Variants in CYTH1 observed in about 807,000 individuals in gnomAD.
The protein encoded by CYTH1 is cytohesin-1.
CYTH1 carries 18 observed loss-of-function variants against 61.8 expected under a neutral mutation model. The observed-to-expected ratio is 0.29, with a 90% CI of 0.20 to 0.43. CYTH1 has a LOEUF of 0.43. Ranked by LOEUF, CYTH1 falls within the 20% of genes least tolerant of loss-of-function variation. The pLI is 1.00. For synonymous variants in CYTH1, 174 were observed against 184.3 expected (o/e 0.94, Z 0.45); for missense variants, 336 against 510.5 (o/e 0.66, Z 3.29).
In CYTH1 at chr17:78,700,833, T is replaced by G. The variant is rs1432459578; in HGVS notation, c.438-390A>C. 6.6e-6 allele frequency among the ~76,000 whole-genome samples: 1 copy of G among 152,146 alleles called. No individual in the cohort carries two copies. The highest frequency in any genetic ancestry group is 2.4e-5 in the African/African-American group (1 of 41,456). ...AGCCACGGTGCCTGACCACTGCCAA[T>G]GATTTTTTAACATCAAAGTGCAAAG... On this transcript the variant is annotated intron_variant, in intron 6 of 13. Coordinates refer to ENST00000446868, the MANE Select transcript of CYTH1 (RefSeq NM_004762.6). The surrounding 1 kb of genome is among the most constrained non-coding windows in gnomAD (Gnocchi z 5.1).
At chr17:78,703,793 C>T (rs1428454137) in intron 3 of CYTH1, among the ~76,000 whole-genome samples, 1 of 152,178 alleles carries the variant, frequency 6.6e-6, no homozygotes, top group East Asian at 1.9e-4. Context: ...GGTCATCTTC[C>T]ATGGTATGGA....
chr17:78,756,077 TTA>T (rs1567876923), intron 1 of CYTH1, among the ~76,000 whole-genome samples: 7 of 111,944 alleles, frequency 6.3e-5, no homozygotes, highest in African/African-American at 2.2e-4. Flanking sequence ...TTATTTATTT[TTA>T]TTTTTTTTTT....
At chr17:78,727,304 G>C (rs2093271839) in intron 1 of CYTH1, among the ~76,000 whole-genome samples, 1 of 152,000 alleles carries the variant, frequency 6.6e-6, no homozygotes, top group African/African-American at 2.4e-5. Flanking sequence ...TGAAAACAGA[G>C]GCCTGGGGTT....
intron 1 of CYTH1, among the ~76,000 whole-genome samples, chr17:78,767,188 C>A (rs1464125379): frequency 6.6e-6 from 1 of 152,176 alleles, no homozygotes; most frequent in African/African-American, 2.4e-5. Flanking sequence ...TACGTCTCAG[C>A]CGGGCATGGT....
At chr17:78,696,155 A>G (rs867079919) in intron 9 of CYTH1, 146 bp from the exon 10 acceptor site, 1 of 1,201,344 alleles carries the variant, frequency 8.3e-7, no homozygotes, top group Middle Eastern at 3.4e-4. Flanking sequence ...GCCTGGGGAG[A>G]GAGCTGAACT....
Position 78,717,759 on chromosome 17 carries a change from C to G in CYTH1, c.23-8027G>C, listed in dbSNP as rs1321060994. On this transcript the variant is annotated intron_variant, in intron 1 of 13. Transcript: ENST00000446868. The surrounding 1 kb of genome is among the most constrained non-coding windows in gnomAD (Gnocchi z 4.4). ...GACAGCAGGTTCTGCTTGGCAGACA[C>G]ATAGCAGCTGCCAGGACCACACTGT... 6.6e-6 allele frequency among the ~76,000 whole-genome samples: 1 copy of G among 152,182 alleles called. No individual in the cohort carries two copies. The highest frequency in any genetic ancestry group is 1.5e-5 in the Non-Finnish European group (1 of 68,018).
At chr17:78,711,924 C>G (rs1408709311) in intron 1 of CYTH1, among the ~76,000 whole-genome samples, 1 of 151,486 alleles carries the variant, frequency 6.6e-6, no homozygotes, top group East Asian at 1.9e-4. Context: ...AAAAAAAATA[C>G]AAAAATTAGC....
chr17:78,758,411 G>A (rs1169986005), intron 1 of CYTH1, among the ~76,000 whole-genome samples: 2 of 152,112 alleles, frequency 1.3e-5, no homozygotes, highest in African/African-American at 2.4e-5. Flanking sequence ...GCTATAAAAA[G>A]TGCTAAGCCC....
intron 1 of CYTH1, among the ~76,000 whole-genome samples, chr17:78,760,646 T>G (rs1217947206): frequency 2.0e-5 from 3 of 147,850 alleles, no homozygotes; most frequent in African/African-American, 7.5e-5. Context: ...CTTAAAACCC[T>G]CTTTTCTAAA....
Position 78,709,254 on chromosome 17 carries a change from T to C in CYTH1, c.105+396A>G, listed in dbSNP as rs2093101650. The C allele has an allele frequency of 1.6e-5, 3 of 182,498 alleles. No homozygotes were observed. In the South Asian group the frequency reaches 5.7e-4, roughly 34 times the overall value. 11.3% of individuals were successfully genotyped at this position (182,498 alleles called of 1,614,324 possible). A position where few individuals can be genotyped will look rare whatever the true frequency, so the allele number is the denominator to read the frequency against. On this transcript the variant is annotated intron_variant, in intron 2 of 13. Coordinates refer to ENST00000446868, the MANE Select transcript of CYTH1 (RefSeq NM_004762.6). ...GGAACCGGAACTCTCTTGTCTCAAA[T>C]CATTCAGCCAGTAAGCGGCAGAGCC...
At chr17:78,730,131 G>T (rs943663579) in intron 1 of CYTH1, among the ~76,000 whole-genome samples, 1 of 152,016 alleles carries the variant, frequency 6.6e-6, no homozygotes, top group African/African-American at 2.4e-5. Flanking sequence ...CTGTGATTTC[G>T]TATGTGGTCT....
In CYTH1 at chr17:78,708,200, T is replaced by G; in HGVS notation, c.167A>C (p.Glu56Ala). ...CCTGGCAGCAGGGCAGACTCACCTT[T>G]CCTCTGTGGATCCCAGGTTTTCAAT... ...NEIENLGSTE[E>A]RKNMQRNKQV... The change falls in exon 3 of 14, where the codon GAA becomes GCA. Residue 56 changes from glutamate to alanine, a missense_variant. This residue lies in a region of CYTH1 where 112 missense variants were observed against 127.1 expected (regional missense o/e 0.88). Transcript: ENST00000446868. The G allele has an allele frequency of 6.2e-7, 1 of 1,614,022 alleles. No individual in the cohort carries two copies.
At position 78,676,517 on chromosome 17, in the gene CYTH1, G is replaced by C; in HGVS notation, c.1119-348C>G. On this transcript the variant is annotated intron_variant, in intron 13 of 13. Coordinates refer to ENST00000446868, the MANE Select transcript of CYTH1 (RefSeq NM_004762.6). The stretch of plus-strand genomic sequence containing the variant: ...TGCTTGAGTTTCCATGATGACATCT[G>C]ACTTTGCTTTGCAGCAGCGAGTGCC... 1.7e-5 allele frequency: 5 copies of C among 300,140 alleles called. No individual in the cohort carries two copies. The South Asian group carries it at 1.8e-4, about 11-fold the overall frequency. 18.6% of individuals were successfully genotyped at this position (300,140 alleles called of 1,614,324 possible).
chr17:78,769,652 C>A (rs1185477117), intron 1 of CYTH1, among the ~76,000 whole-genome samples: 1 of 152,210 alleles, frequency 6.6e-6, no homozygotes, highest in Admixed American at 6.5e-5. Flanking sequence ...TCGGTGACAA[C>A]AGGGACTACA....
rs2092995815 is a variant in CYTH1, at chr17:78,700,418, G to A, written c.463C>T (p.Pro155Ser). The A allele has an allele frequency of 6.2e-7, 1 of 1,613,130 alleles. No homozygotes were observed. The highest frequency in any genetic ancestry group is 1.7e-5 in the Admixed American group (1 of 59,920). The change falls in exon 7 of 14, where the codon CCC becomes TCC. Residue 155 changes from proline to serine, a missense_variant. By Grantham distance (74) the Pro-to-Ser change is moderately conservative. Around this residue, in one of 4 missense-constraint regions of CYTH1, gnomAD observed 125 missense variants for 209.9 expected, o/e 0.60. Coordinates refer to ENST00000446868, the MANE Select transcript of CYTH1 (RefSeq NM_004762.6). This position sits in a 1 kb window ranked among gnomAD's most constrained non-coding sequence, Gnocchi z 5.1. ...LRQFLWSFRL[P>S]GEAQKIDRMM... ...CGGTCGATCTTCTGGGCCTCTCCGG[G>A]TAGCCGGAAGCTCCACAGGAACTGC...
chr17:78,738,255 T>C (rs886542453), intron 1 of CYTH1, among the ~76,000 whole-genome samples: 2 of 152,156 alleles, frequency 1.3e-5, no homozygotes, highest in African/African-American at 4.8e-5. Flanking sequence ...AAACATCCCA[T>C]GGGGTGAGTG....
At chr17:78,702,003 G>T in intron 5 of CYTH1, 119 bp downstream of exon 5, 2 of 874,524 alleles carry the variant, frequency 2.3e-6, no homozygotes, top group Non-Finnish European at 1.8e-6. Context: ...ACTCCAGTGG[G>T]GCTACAGATG....
chr17:78,738,653 G>A (rs2093330724), intron 1 of CYTH1, among the ~76,000 whole-genome samples: 1 of 151,712 alleles, frequency 6.6e-6, no homozygotes, highest in South Asian at 2.1e-4. Context: ...TTGTTTTGTA[G>A]AGGCAATTAA....
intron 1 of CYTH1, among the ~76,000 whole-genome samples, chr17:78,777,836 A>G (rs1422744990): frequency 6.6e-6 from 1 of 151,796 alleles, no homozygotes; most frequent in Non-Finnish European, 1.5e-5. Flanking sequence ...AATACAAAAA[A>G]AAAAAAAAAG....
Sources: gnomAD v4.1 joint callset for allele counts (sites outside exome capture counted in the v4.1 genomes callset) on GRCh38, gnomAD v4.1.1 for gene constraint, gnomAD v4.1.1 regional missense constraint, Gnocchi (gnomAD v3.1) non-coding constraint, MANE v1.5 for transcripts, NCBI Gene and HGNC (gene_info 2026-07-23, HGNC 2026-07-21) for gene names.